Variants in ADGRL2 observed in about 807,000 individuals in gnomAD.
ADGRL2 encodes calcium-independent alpha-latrotoxin receptor 2.
A neutral mutation model predicts 157.4 loss-of-function variants in ADGRL2; 44 were observed. That is an observed-to-expected ratio of 0.28 (90% confidence interval 0.22 to 0.36). ADGRL2 has a LOEUF of 0.36. ADGRL2 is among the 10% of genes least tolerant of loss of function. The probability of loss-of-function intolerance (pLI) is 1.00; values close to 1 mark genes in which losing one functional copy is unlikely to be tolerated. For synonymous variants in ADGRL2, 585 were observed against 624.7 expected, an observed-to-expected ratio of 0.94 and a Z score of 0.95; for missense variants, 1,510 against 1,768.9, an observed-to-expected ratio of 0.85 and a Z score of 2.63.
At chr1:81,501,904 G>A in intron 2 of ADGRL2, 1 of 1,612,822 alleles carries the variant, frequency 6.2e-7, no homozygotes. Flanking sequence ...CCCAGTTCTT[G>A]TATGCCCAAA....
At chr1:81,971,671 T>A (rs1401282668) in intron 16 of ADGRL2, among the ~76,000 whole-genome samples, 181 bp from the exon 17 acceptor site, 1 of 125,414 alleles carries the variant, frequency 8.0e-6, no homozygotes, top group Admixed American at 8.2e-5. Context: ...GTAAATAAAT[T>A]ATTTTCCTTT....
At chr1:81,880,650 T>A (rs2151201532) in intron 2 of ADGRL2, among the ~76,000 whole-genome samples, 1 of 152,122 alleles carries the variant, frequency 6.6e-6, no homozygotes, top group South Asian at 2.1e-4. Flanking sequence ...AAGGCATGAA[T>A]TTCTTCTCCC....
At chr1:81,529,732 A>AC (rs1475081115) in intron 2 of ADGRL2, among the ~76,000 whole-genome samples, 1 of 152,244 alleles carries the variant, frequency 6.6e-6, no homozygotes, top group Non-Finnish European at 1.5e-5. Context: ...TTACACAAAC[A>AC]GTGACTCTGA....
chr1:81,590,960 G>A (rs931343253), intron 3 of ADGRL2, among the ~76,000 whole-genome samples: 1 of 152,080 alleles, frequency 6.6e-6, no homozygotes, highest in African/African-American at 2.4e-5. Context: ...TCCACTCCCA[G>A]GCATACTCTT....
intron 1 of ADGRL2, among the ~76,000 whole-genome samples, chr1:81,413,024 G>A (rs1363084100): frequency 1.3e-5 from 2 of 151,648 alleles, no homozygotes; most frequent in Admixed American, 6.6e-5. Context: ...CTACTTTTTT[G>A]TTATGCATAT....
At chr1:81,626,018 C>T (rs933439908) in intron 3 of ADGRL2, among the ~76,000 whole-genome samples, 10 of 152,188 alleles carry the variant, frequency 6.6e-5, no homozygotes, top group Middle Eastern at 3.4e-3. Context: ...TTTTCCTCCG[C>T]GACACAATAA....
chr1:81,617,074 C>T (rs1296750130), intron 3 of ADGRL2, among the ~76,000 whole-genome samples: 1 of 152,180 alleles, frequency 6.6e-6, no homozygotes, highest in Admixed American at 6.5e-5. Flanking sequence ...TCAGAGGTCC[C>T]CAATCCCCAA....
chr1:81,316,233 A>G (rs1660101043), intron 1 of ADGRL2, among the ~76,000 whole-genome samples: 1 of 152,168 alleles, frequency 6.6e-6, no homozygotes, highest in Non-Finnish European at 1.5e-5. Flanking sequence ...TAAAGGAACC[A>G]TAAAGGTTAA....
At chr1:81,663,036 C>G (rs2082685757) in intron 3 of ADGRL2, among the ~76,000 whole-genome samples, 2 of 151,658 alleles carry the variant, frequency 1.3e-5, no homozygotes, top group Admixed American at 1.3e-4. Flanking sequence ...TAAACCTTAT[C>G]TTGTTCCCCG....
rs1020576847 is a variant in ADGRL2, at chr1:81,719,729, G to A, written c.-143+19921G>A. Among the ~76,000 whole-genome samples the A allele has an allele frequency of 1.1e-4, 16 of 152,038 alleles. 1 individual carries two copies. The highest frequency in any genetic ancestry group is 9.2e-4 in the Admixed American group (14 of 15,278). ...CAGGTGCATCATATATCATCCCTTA[G>A]GTCTGGGATATGATGGTTCTTTGTA... On this transcript the variant is annotated intron_variant, in intron 1 of 20. Transcript: ENST00000359929.
intron 2 of ADGRL2, among the ~76,000 whole-genome samples, chr1:81,900,666 T>C (rs114811292): frequency 0.012 from 1,783 of 152,282 alleles, 33 homozygotes; most frequent in African/African-American, 0.04. Flanking sequence ...TTTCTGTGCA[T>C]TCTTAACTAA....
intron 3 of ADGRL2, among the ~76,000 whole-genome samples, chr1:81,637,128 A>AC (rs2082130264): frequency 6.6e-6 from 1 of 152,064 alleles, no homozygotes; most frequent in East Asian, 1.9e-4. Flanking sequence ...ACAGGCATGA[A>AC]CCACTGCACC....
At chr1:81,925,312 T>C (rs2148668934) in intron 3 of ADGRL2, among the ~76,000 whole-genome samples, 1 of 152,218 alleles carries the variant, frequency 6.6e-6, no homozygotes, top group East Asian at 1.9e-4. Flanking sequence ...CTCATTCTTT[T>C]TTATTCCCTT....
At chr1:81,597,398 T>A (rs1472223525) in intron 3 of ADGRL2, among the ~76,000 whole-genome samples, 1 of 152,106 alleles carries the variant, frequency 6.6e-6, no homozygotes, top group Non-Finnish European at 1.5e-5. Context: ...AAGAAAAAAA[T>A]TATATTTGCT....
At chr1:81,778,890 T>G (rs11163371) in intron 2 of ADGRL2, among the ~76,000 whole-genome samples, 20,752 of 152,216 alleles carry the variant, frequency 0.14, 1,544 homozygotes, top group African/African-American at 0.17. Context: ...TGTAGTTGTA[T>G]GATCTTGGGC....
chr1:81,674,488 C>A (rs1370742088), intron 3 of ADGRL2, among the ~76,000 whole-genome samples: 1 of 152,140 alleles, frequency 6.6e-6, no homozygotes. Flanking sequence ...ACCGGTGCGC[C>A]CCCATGTCTT....
intron 1 of ADGRL2, among the ~76,000 whole-genome samples, chr1:81,758,084 G>C (rs544364323): frequency 6.6e-6 from 1 of 152,132 alleles, no homozygotes; most frequent in Non-Finnish European, 1.5e-5. Flanking sequence ...TGGTTACAAC[G>C]TTCCTTTATC....
intron 3 of ADGRL2, among the ~76,000 whole-genome samples, chr1:81,908,552 A>G (rs1402998505): frequency 6.6e-6 from 1 of 152,192 alleles, no homozygotes; most frequent in Non-Finnish European, 1.5e-5. Context: ...GCTACTGTAA[A>G]CATCAGTGTG....
intron 1 of ADGRL2, among the ~76,000 whole-genome samples, chr1:81,705,514 C>T (rs1323903678): frequency 1.3e-5 from 2 of 152,006 alleles, no homozygotes; most frequent in Non-Finnish European, 2.9e-5. Context: ...TCCCAAAGTG[C>T]TGGGATTACA....
Sources: allele counts gnomAD v4.1 joint callset (sites outside exome capture counted in the v4.1 genomes callset), GRCh38; gene constraint gnomAD v4.1.1; transcripts MANE v1.5; gene names NCBI Gene and HGNC (gene_info 2026-07-23, HGNC 2026-07-21).